The following CACNA2D3 variants were observed in gnomAD, a reference collection of about 807,000 sequenced individuals.
The protein encoded by CACNA2D3 is voltage-dependent calcium channel subunit alpha-2/delta-3.
CACNA2D3 carries 60 observed loss-of-function variants against 160.6 expected under a neutral mutation model. The ratio of observed to expected loss-of-function variants is 0.37; its 90% CI spans 0.30 to 0.46. The LOEUF (loss-of-function observed/expected upper bound fraction) is 0.46. CACNA2D3 is among the 20% of genes least tolerant of loss of function. CACNA2D3 has a pLI of 1.00. For missense variants in CACNA2D3, 1,205 were observed against 1,365.0 expected (o/e 0.88, Z 1.85); for synonymous variants, 558 against 492.9 (o/e 1.13, Z -1.75).
At chr3:54,334,757 C>A (rs916885905) in intron 3 of CACNA2D3, among the ~76,000 whole-genome samples, 7 of 152,180 alleles carry the variant, frequency 4.6e-5, no homozygotes, top group African/African-American at 1.7e-4. Flanking sequence ...TGGCATGAGC[C>A]CATGGGTTAC....
chr3:54,754,866 G>C (rs1022762493), intron 12 of CACNA2D3, among the ~76,000 whole-genome samples: 1 of 152,074 alleles, frequency 6.6e-6, no homozygotes, highest in Non-Finnish European at 1.5e-5. Flanking sequence ...GTTGTTCCCT[G>C]AAATTAAAAA....
chr3:54,780,282 A>C (rs1702507255), intron 13 of CACNA2D3, among the ~76,000 whole-genome samples: 1 of 152,228 alleles, frequency 6.6e-6, no homozygotes, highest in African/African-American at 2.4e-5. Flanking sequence ...ACCTCCATCT[A>C]AGCAGCAGTT....
intron 2 of CACNA2D3, among the ~76,000 whole-genome samples, chr3:54,251,122 A>G (rs1173747911): frequency 1.3e-5 from 2 of 152,120 alleles, no homozygotes; most frequent in Non-Finnish European, 2.9e-5. Context: ...AGGGTCAGAT[A>G]AGTAGGGAGG....
At chr3:54,476,565 C>T (rs1700835090) in intron 4 of CACNA2D3, among the ~76,000 whole-genome samples, 1 of 152,050 alleles carries the variant, frequency 6.6e-6, no homozygotes, top group African/African-American at 2.4e-5. Context: ...CATGCCAACA[C>T]TTGTTACCTT....
chr3:54,707,699 T>C (rs1700883399), intron 11 of CACNA2D3, among the ~76,000 whole-genome samples: 1 of 152,168 alleles, frequency 6.6e-6, no homozygotes, highest in Non-Finnish European at 1.5e-5. Flanking sequence ...CCATAGGCTT[T>C]TGCTGACTGT....
intron 2 of CACNA2D3, among the ~76,000 whole-genome samples, chr3:54,280,155 C>T (rs184971454): frequency 1.2e-4 from 18 of 152,140 alleles, no homozygotes; most frequent in East Asian, 3.9e-4. Flanking sequence ...GATCTCTGCT[C>T]ACTACAAGCT....
At chr3:54,158,767 A>C (rs2107293537) in intron 2 of CACNA2D3, among the ~76,000 whole-genome samples, 1 of 152,320 alleles carries the variant, frequency 6.6e-6, no homozygotes, top group South Asian at 2.1e-4. Context: ...TTTTGCTTGA[A>C]GCTTCATGTC....
At chr3:54,840,328 T>C (rs554456294) in intron 16 of CACNA2D3, among the ~76,000 whole-genome samples, 3 of 151,920 alleles carry the variant, frequency 2.0e-5, no homozygotes, top group African/African-American at 7.2e-5. Flanking sequence ...CCCCATTTTA[T>C]AGTTAAAGAA....
At chr3:54,350,568 G>A (rs966653445) in intron 3 of CACNA2D3, among the ~76,000 whole-genome samples, 1 of 152,136 alleles carries the variant, frequency 6.6e-6, no homozygotes, top group Non-Finnish European at 1.5e-5. Flanking sequence ...CTGCAAAATA[G>A]TTCACACTTT....
intron 35 of CACNA2D3, among the ~76,000 whole-genome samples, chr3:55,072,076 T>C (rs563511492): frequency 6.6e-6 from 1 of 152,294 alleles, no homozygotes; most frequent in East Asian, 1.9e-4. Flanking sequence ...GTAAAGAAGA[T>C]ACAGACAGAT....
At chr3:54,856,210 T>TC (rs1699166528) in intron 17 of CACNA2D3, among the ~76,000 whole-genome samples, 1 of 151,950 alleles carries the variant, frequency 6.6e-6, no homozygotes, top group Non-Finnish European at 1.5e-5. Context: ...GAGCACACAA[T>TC]GAAACAATAT....
chr3:54,602,245 C>T (rs1302032191), intron 9 of CACNA2D3, among the ~76,000 whole-genome samples: 7 of 152,130 alleles, frequency 4.6e-5, no homozygotes, highest in African/African-American at 1.7e-4. Flanking sequence ...TGCCTGTAAT[C>T]CTAGCATTTT....
At chr3:54,241,980 A>AAT (rs1473856404) in intron 2 of CACNA2D3, among the ~76,000 whole-genome samples, 1 of 152,238 alleles carries the variant, frequency 6.6e-6, no homozygotes, top group Non-Finnish European at 1.5e-5. Context: ...CAAAGGGAAT[A>AAT]CATTCCAGGG....
At chr3:54,895,609 A>G (rs1018704436) in intron 25 of CACNA2D3, among the ~76,000 whole-genome samples, 2 of 152,060 alleles carry the variant, frequency 1.3e-5, no homozygotes, top group Admixed American at 1.3e-4. Context: ...TTGTGATCCA[A>G]CTCTCTGCTG....
chr3:54,781,215 G>A (rs1427897923), intron 13 of CACNA2D3, among the ~76,000 whole-genome samples: 2 of 152,238 alleles, frequency 1.3e-5, no homozygotes, highest in Non-Finnish European at 2.9e-5. Context: ...CTGGGCCTTG[G>A]CCACAGTACA....
At chr3:54,856,005 G>T (rs1004019076) in intron 17 of CACNA2D3, among the ~76,000 whole-genome samples, 2 of 152,090 alleles carry the variant, frequency 1.3e-5, no homozygotes, top group African/African-American at 4.8e-5. Flanking sequence ...TTCTTGCATG[G>T]ACCTTTGAGT....
At chr3:54,865,519 C>G (rs866212667) in intron 17 of CACNA2D3, among the ~76,000 whole-genome samples, 17 of 152,226 alleles carry the variant, frequency 1.1e-4, no homozygotes, top group African/African-American at 3.9e-4. Context: ...CAACCAGAGG[C>G]CTTGATGTGC....
Position 54,705,764 on chromosome 3 carries a change from G to A in CACNA2D3, c.1168-46835G>A, listed in dbSNP as rs1348424113. ...CTTCCTGGTTAGAAGAGTATAAGTT[G>A]CTTCAAATAATGTGCTGATCCTAAC... is the stretch of plus-strand genomic sequence containing the variant. On this transcript the variant is annotated intron_variant, in intron 11 of 37. Transcript: ENST00000474759. Among the ~76,000 whole-genome samples the A allele has an allele frequency of 2.6e-5, 4 of 152,162 alleles. No individual in the cohort carries two copies. In the East Asian group the frequency reaches 7.7e-4, roughly 29 times the overall value.
chr3:54,683,775 C>G (rs1191778745), intron 11 of CACNA2D3, among the ~76,000 whole-genome samples: 1 of 152,108 alleles, frequency 6.6e-6, no homozygotes, highest in Non-Finnish European at 1.5e-5. Context: ...AGTCTGAAAT[C>G]AAGGTGTTGT....
Sources: gnomAD v4.1 joint callset for allele counts (sites outside exome capture counted in the v4.1 genomes callset) on GRCh38, gnomAD v4.1.1 for gene constraint, MANE v1.5 for transcripts, NCBI Gene and HGNC (gene_info 2026-07-23, HGNC 2026-07-21) for gene names.